Variants in AGBL4 observed in about 807,000 individuals in gnomAD.
AGBL4 encodes cytosolic carboxypeptidase 6.
A neutral mutation model predicts 66.4 loss-of-function variants in AGBL4; 58 were observed. The observed-to-expected ratio is 0.87, with a 90% confidence interval of 0.71 to 1.09. The LOEUF (loss-of-function observed/expected upper bound fraction) is 1.09. Ranked by LOEUF, AGBL4 falls within the 50% of genes least tolerant of loss-of-function variation. AGBL4 has a pLI of 0.00. For synonymous variants in AGBL4, 234 were observed against 222.9 expected, an observed-to-expected ratio of 1.05 and a Z score of -0.44; for missense variants, 579 against 631.0, an observed-to-expected ratio of 0.92 and a Z score of 0.88.
intron 2 of AGBL4, among the ~76,000 whole-genome samples, chr1:49,739,203 T>G (rs1456109162): frequency 6.6e-6 from 1 of 151,892 alleles, no homozygotes; most frequent in East Asian, 1.9e-4. Context: ...TACAGAGAAG[T>G]CCTTAAAGGA....
intron 1 of AGBL4, among the ~76,000 whole-genome samples, chr1:49,950,146 GTGTATA>G (rs1557612382): frequency 1.4e-5 from 2 of 138,290 alleles, no homozygotes; most frequent in African/African-American, 5.4e-5. Flanking sequence ...ATACACATAT[GTGTATA>G]TATATACACA....
chr1:48,652,629 T>C (rs1429906062), intron 8 of AGBL4, among the ~76,000 whole-genome samples: 2 of 152,172 alleles, frequency 1.3e-5, no homozygotes, highest in Admixed American at 1.3e-4. Context: ...TAGTCAATGA[T>C]TTACTGGCTG....
At chr1:49,836,284 C>A (rs1181155084) in intron 2 of AGBL4, among the ~76,000 whole-genome samples, 1 of 152,058 alleles carries the variant, frequency 6.6e-6, no homozygotes, top group Non-Finnish European at 1.5e-5. Flanking sequence ...CCTTTTCATT[C>A]TTTTTCTCTA....
chr1:50,008,396 A>G (rs1661293464), intron 1 of AGBL4, among the ~76,000 whole-genome samples: 1 of 152,210 alleles, frequency 6.6e-6, no homozygotes, highest in South Asian at 2.1e-4. Flanking sequence ...ATGGAAATTA[A>G]ACACTGCTCC....
chr1:49,272,688 T>A (rs1644086193), intron 3 of AGBL4, among the ~76,000 whole-genome samples: 1 of 152,158 alleles, frequency 6.6e-6, no homozygotes, highest in Non-Finnish European at 1.5e-5. Flanking sequence ...TCCTTTTATA[T>A]TAGTGACTTA....
At chr1:49,885,996 G>A (rs1054291991) in intron 1 of AGBL4, among the ~76,000 whole-genome samples, 4 of 152,102 alleles carry the variant, frequency 2.6e-5, no homozygotes, top group East Asian at 1.9e-4. Flanking sequence ...TATTTTCATC[G>A]CACAGTTGTG....
At chr1:49,009,540 C>T (rs1293727355) in intron 5 of AGBL4, among the ~76,000 whole-genome samples, 1 of 152,046 alleles carries the variant, frequency 6.6e-6, no homozygotes. Flanking sequence ...AGGCCAGCAT[C>T]ATTCTGATAC....
chr1:49,429,845 A>AAT (rs562092979), intron 3 of AGBL4, among the ~76,000 whole-genome samples: 121 of 147,760 alleles, frequency 8.2e-4, no homozygotes, highest in African/African-American at 3.1e-3. Flanking sequence ...CAGTTCTTTG[A>AAT]ATATATTTTT....
chr1:49,996,768 A>C (rs1262573093), intron 1 of AGBL4, among the ~76,000 whole-genome samples: 1 of 152,246 alleles, frequency 6.6e-6, no homozygotes, highest in Non-Finnish European at 1.5e-5. Context: ...TCATCAGGTA[A>C]TCTAACATCA....
At chr1:49,502,787 T>C (rs1202606522) in intron 3 of AGBL4, among the ~76,000 whole-genome samples, 2 of 152,050 alleles carry the variant, frequency 1.3e-5, no homozygotes, top group Admixed American at 1.3e-4. Context: ...AACTTTGAAC[T>C]TAGGAGAGAT....
intron 6 of AGBL4, among the ~76,000 whole-genome samples, chr1:48,799,304 T>G (rs531632369): frequency 6.6e-6 from 1 of 152,352 alleles, no homozygotes; most frequent in African/African-American, 2.4e-5. Flanking sequence ...TTCGTTGTTG[T>G]TGGTGTATAG....
chr1:48,625,005 T>G (rs1310912285), intron 9 of AGBL4, among the ~76,000 whole-genome samples: 1 of 151,738 alleles, frequency 6.6e-6, no homozygotes, highest in East Asian at 1.9e-4. Flanking sequence ...ACTCCTGAGC[T>G]TAAGGGATCC....
chr1:49,140,117 C>T (rs772377876), intron 4 of AGBL4, among the ~76,000 whole-genome samples: 22 of 152,188 alleles, frequency 1.4e-4, no homozygotes, highest in Non-Finnish European at 2.8e-4. Context: ...AAAATTTGTA[C>T]TCAGGTCTTC....
intron 6 of AGBL4, among the ~76,000 whole-genome samples, chr1:48,712,874 G>A (rs1164879217): frequency 6.6e-6 from 1 of 152,224 alleles, no homozygotes; most frequent in Non-Finnish European, 1.5e-5. Flanking sequence ...GTGCACATGA[G>A]AGACACCAAA....
intron 1 of AGBL4, among the ~76,000 whole-genome samples, chr1:49,923,274 C>T (rs1652450154): frequency 1.3e-5 from 2 of 152,138 alleles, no homozygotes; most frequent in South Asian, 4.1e-4. Flanking sequence ...ATGCAGAAGG[C>T]TGAAACTGGA....
At chr1:48,707,974 A>G (rs1269408448) in intron 6 of AGBL4, among the ~76,000 whole-genome samples, 1 of 152,184 alleles carries the variant, frequency 6.6e-6, no homozygotes, top group East Asian at 1.9e-4. Context: ...GGCACTTTCC[A>G]TGTCTTAAGT....
At chr1:50,021,716 T>A (rs1196901416) in intron 1 of AGBL4, among the ~76,000 whole-genome samples, 1 of 152,136 alleles carries the variant, frequency 6.6e-6, no homozygotes, top group Non-Finnish European at 1.5e-5. Context: ...TGTACTCTCC[T>A]CAATGTAGCT....
intron 1 of AGBL4, among the ~76,000 whole-genome samples, chr1:49,924,865 G>A (rs928875714): frequency 6.6e-6 from 1 of 152,088 alleles, no homozygotes; most frequent in African/African-American, 2.4e-5. Context: ...CAGCAACTGG[G>A]GGATACTGCA....
intron 2 of AGBL4, among the ~76,000 whole-genome samples, chr1:49,766,601 T>C (rs1652749135): frequency 6.6e-6 from 1 of 151,474 alleles, no homozygotes; most frequent in African/African-American, 2.4e-5. Context: ...ATGAAAATGG[T>C]CTGAATGCCC....
Sources: gnomAD v4.1 joint callset for allele counts (sites outside exome capture counted in the v4.1 genomes callset) on GRCh38, gnomAD v4.1.1 for gene constraint, MANE v1.5 for transcripts, NCBI Gene and HGNC (gene_info 2026-07-23, HGNC 2026-07-21) for gene names.